The following CERT1 variants were observed in gnomAD, a reference collection of about 807,000 sequenced individuals.
The protein encoded by CERT1 is ceramide transfer protein.
A neutral mutation model predicts 87.9 loss-of-function variants in CERT1; 31 were observed. That is an observed-to-expected ratio of 0.35 (90% CI 0.27 to 0.48). The LOEUF is 0.48. CERT1 is among the 20% of genes least tolerant of loss of function. The pLI, the probability that CERT1 is intolerant of heterozygous loss-of-function variation, is 0.99. For synonymous variants in CERT1, 289 were observed against 250.9 expected (o/e 1.15, Z -1.44); for missense variants, 487 against 758.0 (o/e 0.64, Z 4.20).
At chr5:75,385,748 A>C (rs1404450119) in intron 13 of CERT1, among the ~76,000 whole-genome samples, 154 bp downstream of exon 13, 1 of 152,252 alleles carries the variant, frequency 6.6e-6, no homozygotes. Flanking sequence ...TACACTGAAA[A>C]GCTCTACATA....
intron 7 of CERT1, among the ~76,000 whole-genome samples, chr5:75,411,572 A>G (rs1762937079): frequency 6.6e-6 from 1 of 152,162 alleles, no homozygotes; most frequent in South Asian, 2.1e-4. Flanking sequence ...TCAGCCTCCC[A>G]AAGTGCTGGG....
intron 7 of CERT1, among the ~76,000 whole-genome samples, chr5:75,412,390 C>G (rs568753940): frequency 6.6e-6 from 1 of 152,042 alleles, no homozygotes; most frequent in Non-Finnish European, 1.5e-5. Flanking sequence ...CCCCTTATTC[C>G]CAAAAAAACA....
At chr5:75,369,652 C>A (rs1761014617) in intron 17 of CERT1, 1 of 152,216 alleles carries the variant, frequency 6.6e-6, no homozygotes, top group African/African-American at 2.4e-5. Flanking sequence ...TCAGAAAAGG[C>A]ATAGTGCCGG....
intron 3 of CERT1, among the ~76,000 whole-genome samples, chr5:75,435,189 A>G (rs1047838653): frequency 6.6e-6 from 1 of 152,198 alleles, no homozygotes; most frequent in African/African-American, 2.4e-5. Flanking sequence ...GTGGTCTTCA[A>G]GCTATGAGAT....
intron 17 of CERT1, chr5:75,368,844 G>A (rs775971856): frequency 3.3e-5 from 5 of 152,012 alleles, no homozygotes; most frequent in Non-Finnish European, 7.4e-5. Context: ...ACTTTTGACA[G>A]AAGCACCTCC....
In CERT1 at chr5:75,511,582, A is replaced by C. The variant is rs1561318686; in HGVS notation, c.-375T>G. 29 of 1,464,626 alleles carry C rather than the reference A, an allele frequency of 2.0e-5. No individual in the cohort carries two copies. The highest frequency in any genetic ancestry group is 1.4e-5 in the Non-Finnish European group (16 of 1,108,930). 90.7% of individuals were successfully genotyped at this position (1,464,626 alleles called of 1,614,324 possible). A position where few individuals can be genotyped will look rare whatever the true frequency, so the allele number is the denominator to read the frequency against. On this transcript the variant is annotated 5_prime_UTR_variant, in exon 1 of 17. Transcript: ENST00000643780. The stretch of plus-strand genomic sequence containing the variant: ...AATCCGGCCGCTGAGTCCCGCGTCC[A>C]CTCACACCTCCGCTACCGCCGCCAT...
intron 1 of CERT1, among the ~76,000 whole-genome samples, chr5:75,507,839 C>A (rs148194334): frequency 7.6e-4 from 115 of 152,222 alleles, no homozygotes; most frequent in African/African-American, 2.7e-3. Context: ...ATACTCAATA[C>A]CTAAGTGTTC....
intron 2 of CERT1, among the ~76,000 whole-genome samples, chr5:75,477,934 T>C (rs1021265672): frequency 6.6e-6 from 1 of 152,112 alleles, no homozygotes; most frequent in Admixed American, 6.6e-5. Context: ...TGTGGGTAAA[T>C]ATGGTGGCAG....
At chr5:75,485,617 C>T (rs529482711) in intron 2 of CERT1, among the ~76,000 whole-genome samples, 20 of 151,752 alleles carry the variant, frequency 1.3e-4, no homozygotes, top group Admixed American at 1.2e-3. Context: ...AACCTTTGAT[C>T]AACAACCTAA....
chr5:75,452,635 T>C (rs988216833), intron 3 of CERT1, among the ~76,000 whole-genome samples: 1 of 152,178 alleles, frequency 6.6e-6, no homozygotes, highest in Non-Finnish European at 1.5e-5. Flanking sequence ...TTATTATATA[T>C]CTTTGACAAA....
At position 75,511,420 on chromosome 5, in the gene CERT1, G is replaced by C. The variant is rs1350864626; in HGVS notation, c.-213C>G. On this transcript the variant is annotated 5_prime_UTR_variant, in exon 1 of 17. Coordinates refer to ENST00000643780, the MANE Select transcript of CERT1 (RefSeq NM_001379029.1). ...CGAGGAAGGAGGACGAGCGGTGAAG[G>C]AAGCCTACCCTTCCAGCCGTCAGCC... 6.5e-7 allele frequency: 1 copy of C among 1,544,200 alleles called. No homozygotes were observed. The highest frequency in any genetic ancestry group is 8.7e-7 in the Non-Finnish European group (1 of 1,144,938).
intron 14 of CERT1, among the ~76,000 whole-genome samples, chr5:75,382,925 C>A (rs1580694096): frequency 6.6e-6 from 1 of 151,720 alleles, no homozygotes; most frequent in East Asian, 1.9e-4. Context: ...GAATACAAAT[C>A]CACAGGATGA....
chr5:75,382,074 C>T lies in CERT1; in HGVS notation c.1492G>A (p.Val498Met), dbSNP rs779820104. The T allele has an allele frequency of 6.2e-7, 1 of 1,612,694 alleles. No homozygotes were observed. ...ACGTCTCGCTGAGAAGCAGGCCACA[C>T]CCTCTGTGGAGAAGTAAAAATCTTT... Reference protein sequence around the residue: ...AIIIYQTHKRVWPASQRDVLY... With the variant: ...AIIIYQTHKRMWPASQRDVLY... Residue 498 changes from valine (V) to methionine (M), a missense_variant, in exon 15 of 17, where the codon GTG becomes ATG. Physicochemically the swap from Val to Met is conservative, Grantham distance 21. This residue lies in a region of CERT1 where 147 missense variants were observed against 200.8 expected (regional missense o/e 0.73). Coordinates refer to ENST00000643780, the MANE Select transcript of CERT1 (RefSeq NM_001379029.1).
At chr5:75,436,152 C>A (rs1045466258) in intron 3 of CERT1, among the ~76,000 whole-genome samples, 24 of 152,294 alleles carry the variant, frequency 1.6e-4, no homozygotes, top group African/African-American at 5.1e-4. Flanking sequence ...TCTGCCTCGG[C>A]CTCCCGAGTA....
intron 2 of CERT1, among the ~76,000 whole-genome samples, chr5:75,470,396 T>G (rs1765653755): frequency 6.6e-6 from 1 of 152,078 alleles, no homozygotes; most frequent in South Asian, 2.1e-4. Flanking sequence ...AGGAGGAGCT[T>G]TGGAAAATTC....
At chr5:75,485,870 G>C (rs1766498064) in intron 2 of CERT1, among the ~76,000 whole-genome samples, 1 of 151,998 alleles carries the variant, frequency 6.6e-6, no homozygotes, top group Non-Finnish European at 1.5e-5. Context: ...GTAATAAAAA[G>C]TCTCAGCAAA....
rs761822745 is a variant in CERT1, at chr5:75,386,026, T to C, written c.1293A>G (p.Arg431=). ...VVEEGEMKVY[R]REVEENGIVL... ...CAATCCCATTTTCTTCTACTTCTCT[T>C]CTGTATACCTAAAGAGAACATAATT... is the stretch of plus-strand genomic sequence containing the variant. The change falls in exon 13 of 17, where the codon AGA becomes AGG. Residue 431 remains arginine, a synonymous_variant. Transcript: ENST00000643780. 1 of 1,547,786 alleles carries C rather than the reference T, an allele frequency of 6.5e-7. No individual in the cohort carries two copies. Among genetic ancestry groups the C allele is most frequent in the Non-Finnish European group, 8.7e-7 (1 of 1,149,924 alleles).
intron 3 of CERT1, among the ~76,000 whole-genome samples, chr5:75,435,907 A>G (rs10434644): frequency 0.33 from 50,010 of 152,064 alleles, 9,509 homozygotes; most frequent in African/African-American, 0.53. Flanking sequence ...CAGGTGGGGC[A>G]GTGGGGGTCC....
intron 2 of CERT1, among the ~76,000 whole-genome samples, chr5:75,480,146 C>T (rs926329988): frequency 1.3e-5 from 2 of 152,122 alleles, no homozygotes; most frequent in African/African-American, 4.8e-5. Context: ...AATGAGGGAC[C>T]ACTATCTATG....
Sources: allele counts gnomAD v4.1 joint callset (sites outside exome capture counted in the v4.1 genomes callset), GRCh38; gene constraint gnomAD v4.1.1; regional missense constraint gnomAD v4.1.1; transcripts MANE v1.5; gene names NCBI Gene and HGNC (gene_info 2026-07-23, HGNC 2026-07-21).